Variants in CALCRL observed in about 807,000 individuals in gnomAD.
The protein encoded by CALCRL is calcitonin gene-related peptide type 1 receptor.
Under a neutral mutation model 60.4 loss-of-function variants are expected in CALCRL, and 27 were observed. The observed-to-expected ratio is 0.45, with a 90% CI of 0.33 to 0.62. The LOEUF is 0.62. Ranked by LOEUF, CALCRL falls within the 20% of genes least tolerant of loss-of-function variation. CALCRL has a pLI of 0.03. For synonymous variants in CALCRL, 190 were observed against 182.6 expected, an observed-to-expected ratio of 1.04 and a Z score of -0.33; for missense variants, 424 against 540.7, an observed-to-expected ratio of 0.78 and a Z score of 2.14.
At chr2:187,429,223 C>A (rs75893321) in intron 1 of CALCRL, among the ~76,000 whole-genome samples, 2,656 of 151,362 alleles carry the variant, frequency 0.018, 86 homozygotes, top group African/African-American at 0.061. Context: ...AAGTTTTGGT[C>A]AGCTGTATGA....
At chr2:187,368,625 C>T (rs184672446) in intron 8 of CALCRL, among the ~76,000 whole-genome samples, 1 of 152,138 alleles carries the variant, frequency 6.6e-6, no homozygotes, top group African/African-American at 2.4e-5. Flanking sequence ...TTTCCATTTG[C>T]TTTTGACATG....
At chr2:187,350,002 A>T (rs1415301785) in intron 14 of CALCRL, among the ~76,000 whole-genome samples, 1 of 151,564 alleles carries the variant, frequency 6.6e-6, no homozygotes, top group East Asian at 1.9e-4. Context: ...CTGTGTAGAG[A>T]ACTTGCTTTA....
At chr2:187,434,678 A>C (rs1292108554) in intron 1 of CALCRL, among the ~76,000 whole-genome samples, 1 of 152,184 alleles carries the variant, frequency 6.6e-6, no homozygotes, top group Non-Finnish European at 1.5e-5. Flanking sequence ...TGTTTGTAAT[A>C]TCAAAACTGT....
At position 187,363,498 on chromosome 2, in the gene CALCRL, G is replaced by A; in HGVS notation, c.505C>T (p.Leu169=). Residue 169 remains leucine, a synonymous_variant, in exon 9 of 15, where the codon CTA becomes TTA. Transcript: ENST00000392370. ...SLGIFFYFKS[L]SCQRITLHKN... Reference sequence around the variant, plus strand: ...TGTAAGGTAATCCTTTGGCAACTTAGGCTCCTAAAAAGCAAGAAAAACAAG... The same window carrying A: ...TGTAAGGTAATCCTTTGGCAACTTAAGCTCCTAAAAAGCAAGAAAAACAAG... 6.3e-7 allele frequency: 1 copy of A among 1,591,758 alleles called. No individual in the cohort carries two copies. Among genetic ancestry groups the A allele is most frequent in the African/African-American group, 1.4e-5 (1 of 73,742 alleles).
intron 12 of CALCRL, among the ~76,000 whole-genome samples, chr2:187,354,822 G>T (rs1222338241): frequency 6.6e-6 from 1 of 150,378 alleles, no homozygotes; most frequent in Non-Finnish European, 1.5e-5. Context: ...TAGTGTAGAT[G>T]ACGTTACATT....
At chr2:187,373,633 G>C (rs1047327654) in intron 8 of CALCRL, among the ~76,000 whole-genome samples, 1 of 152,146 alleles carries the variant, frequency 6.6e-6, no homozygotes, top group African/African-American at 2.4e-5. Context: ...TAAGAAGTGA[G>C]AACAATGCCA....
chr2:187,399,181 T>C (rs1354514738), intron 1 of CALCRL, among the ~76,000 whole-genome samples: 1 of 151,588 alleles, frequency 6.6e-6, no homozygotes, highest in Non-Finnish European at 1.5e-5. Context: ...GATTGTTTTC[T>C]TTTTCACAAA....
chr2:187,380,437 G>A (rs778440077), intron 7 of CALCRL, 30 bp downstream of exon 7: 1 of 1,312,944 alleles, frequency 7.6e-7, no homozygotes, highest in Non-Finnish European at 1.1e-6. Flanking sequence ...GATACTGTAA[G>A]TTAAATTTCA....
At chr2:187,402,655 G>T (rs376187045) in intron 1 of CALCRL, among the ~76,000 whole-genome samples, 5 of 151,752 alleles carry the variant, frequency 3.3e-5, no homozygotes, top group East Asian at 3.9e-4. Flanking sequence ...ACTCTGATTT[G>T]CTGGTAGTGG....
intron 1 of CALCRL, among the ~76,000 whole-genome samples, chr2:187,390,323 CTAGT>C (rs1395942973): frequency 6.6e-6 from 1 of 151,916 alleles, no homozygotes; most frequent in Non-Finnish European, 1.5e-5. Flanking sequence ...TTTAAATATG[CTAGT>C]AACAATGTAA....
intron 8 of CALCRL, among the ~76,000 whole-genome samples, chr2:187,370,345 T>G (rs1280078069): frequency 1.3e-5 from 2 of 152,112 alleles, no homozygotes; most frequent in African/African-American, 2.4e-5. Flanking sequence ...TATTATGACT[T>G]TTGGGAGAAA....
At chr2:187,381,365 C>A (rs1238361729) in intron 5 of CALCRL, among the ~76,000 whole-genome samples, 1 of 152,080 alleles carries the variant, frequency 6.6e-6, no homozygotes, top group Non-Finnish European at 1.5e-5. Flanking sequence ...AAATAAAGAA[C>A]TTCTTACATT....
At chr2:187,347,566 A>T (rs542855893) in intron 14 of CALCRL, among the ~76,000 whole-genome samples, 1 of 151,912 alleles carries the variant, frequency 6.6e-6, no homozygotes, top group African/African-American at 2.4e-5. Flanking sequence ...ATACAAATCA[A>T]TATTAAATCT....
At chr2:187,383,575 G>A (rs1185111124) in intron 4 of CALCRL, among the ~76,000 whole-genome samples, 2 of 152,140 alleles carry the variant, frequency 1.3e-5, no homozygotes, top group Non-Finnish European at 2.9e-5. Flanking sequence ...GTGGTAGCCA[G>A]CTCCAGGACA....
chr2:187,384,034 A>G (rs535407544), intron 4 of CALCRL, among the ~76,000 whole-genome samples: 5 of 152,054 alleles, frequency 3.3e-5, no homozygotes, highest in Non-Finnish European at 5.9e-5. Context: ...TTGTTGCATA[A>G]TTTCTATTAA....
At chr2:187,430,241 G>A (rs1170466088) in intron 1 of CALCRL, among the ~76,000 whole-genome samples, 1 of 152,112 alleles carries the variant, frequency 6.6e-6, no homozygotes, top group African/African-American at 2.4e-5. Flanking sequence ...GACATGCTGT[G>A]GGAGAAAGAA....
rs1686231896 is a variant in CALCRL at position 187,345,356 on chromosome 2, C to T, written c.*828G>A. The T allele has an allele frequency of 1.3e-5, 2 of 152,114 alleles. No individual in the cohort carries two copies. The highest frequency in any genetic ancestry group is 6.6e-5 in the Admixed American group (1 of 15,150). The allele number at this position is 152,114 out of a possible 1,614,324, so 9.4% of individuals were successfully genotyped here. On this transcript the variant is annotated 3_prime_UTR_variant, in exon 15 of 15. Transcript: ENST00000392370. ...TAAAATGATTGCTAATTTGTTTATA[C>T]AGTAGAAATGGAAGGGACAAAATTT...
chr2:187,358,524 C>G (rs186291892), intron 12 of CALCRL, among the ~76,000 whole-genome samples: 1 of 149,618 alleles, frequency 6.7e-6, no homozygotes, highest in Non-Finnish European at 1.5e-5. Context: ...ACCTCCCACC[C>G]CCCCCTGCTA....
intron 1 of CALCRL, among the ~76,000 whole-genome samples, chr2:187,440,974 C>T (rs79408551): frequency 0.055 from 8,367 of 152,050 alleles, 337 homozygotes; most frequent in Non-Finnish European, 0.083. Flanking sequence ...TTGCTCATAT[C>T]TCATTTGAAG....
Sources: gnomAD v4.1 joint callset for allele counts (sites outside exome capture counted in the v4.1 genomes callset) on GRCh38, gnomAD v4.1.1 for gene constraint, MANE v1.5 for transcripts, NCBI Gene and HGNC (gene_info 2026-07-23, HGNC 2026-07-21) for gene names.